ARHGEF10L: variants seen among roughly 807,000 people sequenced by gnomAD.
ARHGEF10L encodes the protein rho guanine nucleotide exchange factor 10-like protein.
A neutral mutation model predicts 141.2 loss-of-function variants in ARHGEF10L; 69 were observed. That is an observed-to-expected ratio of 0.49 (90% CI 0.40 to 0.60). The LOEUF (loss-of-function observed/expected upper bound fraction) is 0.60, where lower values mean the gene tolerates loss of function less well. ARHGEF10L is among the 20% of genes least tolerant of loss of function. ARHGEF10L has a pLI of 0.00. For synonymous variants in ARHGEF10L, 711 were observed against 718.5 expected, an observed-to-expected ratio of 0.99 and a Z score of 0.17; for missense variants, 1,482 against 1,734.3, an observed-to-expected ratio of 0.85 and a Z score of 2.58.
the ARHGEF10L span, among the ~76,000 whole-genome samples, chr1:17,515,156 G>A: frequency 6.6e-6 from 1 of 152,186 alleles, no homozygotes; most frequent in Non-Finnish European, 1.5e-5. Flanking sequence ...GGGGCAACTT[G>A]TCCTGGGGAA....
chr1:17,600,450 G>A (rs770723516), intron 4 of ARHGEF10L, among the ~76,000 whole-genome samples: 3 of 152,120 alleles, frequency 2.0e-5, no homozygotes, highest in South Asian at 2.1e-4. Context: ...CGTTAGAATA[G>A]CTTTAGATTT....
intron 26 of ARHGEF10L, among the ~76,000 whole-genome samples, chr1:17,678,573 C>T (rs1004755795): frequency 6.6e-6 from 1 of 152,122 alleles, no homozygotes; most frequent in African/African-American, 2.4e-5. Context: ...GCATGCGCCA[C>T]CACCCCTGGC....
intron 8 of ARHGEF10L, among the ~76,000 whole-genome samples, chr1:17,614,666 G>T (rs2059713789): frequency 6.6e-6 from 1 of 152,034 alleles, no homozygotes; most frequent in Non-Finnish European, 1.5e-5. Flanking sequence ...ATTCTCAAAG[G>T]CCTCTATGAT....
intron 26 of ARHGEF10L, among the ~76,000 whole-genome samples, chr1:17,666,350 T>G (rs1571385529): frequency 6.6e-6 from 1 of 151,638 alleles, no homozygotes; most frequent in Non-Finnish European, 1.5e-5. Context: ...GAAGGGGAGG[T>G]GGAGTTACCC....
At chr1:17,617,135 G>A (rs1028827615) in intron 9 of ARHGEF10L, among the ~76,000 whole-genome samples, 3 of 152,216 alleles carry the variant, frequency 2.0e-5, no homozygotes, top group African/African-American at 7.2e-5. Context: ...GCCAGGGTCC[G>A]GTCAGTACAG....
intron 21 of ARHGEF10L, among the ~76,000 whole-genome samples, chr1:17,646,774 C>T (rs1033096133): frequency 7.9e-5 from 12 of 152,028 alleles, no homozygotes; most frequent in Admixed American, 2.6e-4. Flanking sequence ...GGCAGCGTTC[C>T]GGACAGCGGG....
In ARHGEF10L at chr1:17,580,522, G is replaced by T; in HGVS notation, c.-43-31G>T. On this transcript the variant is annotated intron_variant, in intron 1 of 28. Coordinates refer to ENST00000361221, the MANE Select transcript of ARHGEF10L (RefSeq NM_018125.4). ...AGCTGAAACTGCAGCCCTGACTCCA[G>T]CTAATGCGATTTCTGGTCTTCTTTC... The T allele has an allele frequency of 8.8e-6, 14 of 1,598,728 alleles. No individual in the cohort carries two copies. In the South Asian group the frequency reaches 1.4e-4, roughly 16 times the overall value.
intron 1 of ARHGEF10L, among the ~76,000 whole-genome samples, chr1:17,560,443 C>A (rs1048386838): frequency 6.6e-6 from 1 of 152,152 alleles, no homozygotes; most frequent in Non-Finnish European, 1.5e-5. Context: ...GCCTCAAATG[C>A]CCCTTTTGTG....
chr1:17,543,504 A>T (rs931292999), intron 1 of ARHGEF10L, among the ~76,000 whole-genome samples: 2 of 151,584 alleles, frequency 1.3e-5, no homozygotes, highest in Admixed American at 6.6e-5. Flanking sequence ...AATTGCTGGA[A>T]CCCAGGAGGC....
In ARHGEF10L at chr1:17,539,767, G is replaced by T. The variant is rs1437539190; in HGVS notation, c.-227G>T. 6.8e-6 allele frequency: 1 copy of T among 146,526 alleles called. No individual in the cohort carries two copies. Among genetic ancestry groups the T allele is most frequent in the African/African-American group, 2.5e-5 (1 of 40,744 alleles). The allele number at this position is 146,526 out of a possible 1,614,324, so 9.1% of individuals were successfully genotyped here. A position where few individuals can be genotyped will look rare whatever the true frequency, so the allele number is the denominator to read the frequency against. ...GCGGGCGCGGGCGCAGTCCCGGCGG[G>T]CCCGGACCTCGCGGGCGGGCGGGCG... On this transcript the variant is annotated 5_prime_UTR_variant, in exon 1 of 29. Transcript: ENST00000361221. This position sits in a 1 kb window ranked among gnomAD's most constrained non-coding sequence, Gnocchi z 6.0.
In ARHGEF10L at chr1:17,644,233, C is replaced by T. The variant is rs887796352; in HGVS notation, c.2272+3931C>T. 6.6e-5 allele frequency among the ~76,000 whole-genome samples: 10 copies of T among 152,316 alleles called. No individual in the cohort carries two copies. The highest frequency in any genetic ancestry group is 3.4e-3 in the Middle Eastern group (1 of 294). ...CTGCCTCTCATTTGGTTTAGTTTTC[C>T]GGCCCATAGTCGTCACACTGACGCC... On this transcript the variant is annotated intron_variant, in intron 21 of 28. Coordinates refer to ENST00000361221, the MANE Select transcript of ARHGEF10L (RefSeq NM_018125.4). This position sits in a 1 kb window ranked among gnomAD's most constrained non-coding sequence, Gnocchi z 4.5.
At chr1:17,624,291 C>G in intron 12 of ARHGEF10L, 96 bp from the exon 13 acceptor site, 1 of 937,732 alleles carries the variant, frequency 1.1e-6, no homozygotes. Context: ...CTTCTGCTCC[C>G]TGCCTTGAGG....
Position 17,619,321 on chromosome 1 carries a change from G to A in ARHGEF10L, c.836-18G>A, listed in dbSNP as rs1231121312. 6.2e-7 allele frequency: 1 copy of A among 1,610,516 alleles called. No homozygotes were observed. The highest frequency in any genetic ancestry group is 8.5e-7 in the Non-Finnish European group (1 of 1,177,898). ...TGTCCCTGCCTTAGCTGTGTCATCG[G>A]CCCATCTGACTTTCCAGGTGACTCG... is the stretch of plus-strand genomic sequence containing the variant. On this transcript the variant is annotated intron_variant, in intron 9 of 28. Coordinates refer to ENST00000361221, the MANE Select transcript of ARHGEF10L (RefSeq NM_018125.4). The surrounding 1 kb of genome is among the most constrained non-coding windows in gnomAD (Gnocchi z 5.0).
intron 1 of ARHGEF10L, among the ~76,000 whole-genome samples, chr1:17,560,634 C>T (rs1416842473): frequency 2.2e-4 from 33 of 152,210 alleles, no homozygotes; most frequent in Admixed American, 1.8e-3. Flanking sequence ...GGCGCAATCT[C>T]GGCTCACCAC....
chr1:17,537,311 T>C (rs2076588947), upstream of ARHGEF10L, among the ~76,000 whole-genome samples: 1 of 152,108 alleles, frequency 6.6e-6, no homozygotes, highest in African/African-American at 2.4e-5. Flanking sequence ...TATGAGCAGG[T>C]GGTTTGGAAC....
intron 26 of ARHGEF10L, among the ~76,000 whole-genome samples, chr1:17,685,446 C>T (rs902481132): frequency 6.6e-6 from 1 of 152,230 alleles, no homozygotes; most frequent in African/African-American, 2.4e-5. Context: ...CTTCCCCCTC[C>T]TCCCAATCAT....
In ARHGEF10L at chr1:17,623,231, G is replaced by A; in HGVS notation, c.1200+56G>A. The A allele has an allele frequency of 6.3e-7, 1 of 1,578,578 alleles. No homozygotes were observed. Among genetic ancestry groups the A allele is most frequent in the Admixed American group, 1.8e-5 (1 of 57,008 alleles). ...ACCAAGGTAAAACCACAACCAGTCTGACCCCGGGGCCATGCAGTCCAGCCT... is the reference window on the plus strand; with the variant it reads ...ACCAAGGTAAAACCACAACCAGTCTAACCCCGGGGCCATGCAGTCCAGCCT... On this transcript the variant is annotated intron_variant, in intron 12 of 28. Transcript: ENST00000361221. This position sits in a 1 kb window ranked among gnomAD's most constrained non-coding sequence, Gnocchi z 4.7.
the ARHGEF10L span, among the ~76,000 whole-genome samples, chr1:17,532,152 C>T: frequency 1.3e-5 from 2 of 152,184 alleles, no homozygotes; most frequent in Non-Finnish European, 2.9e-5. Context: ...CCTGGGCTCT[C>T]TCCCTGCTCC....
chr1:17,638,257 C>T (rs2061130728), intron 19 of ARHGEF10L, among the ~76,000 whole-genome samples: 1 of 152,224 alleles, frequency 6.6e-6, no homozygotes, highest in Non-Finnish European at 1.5e-5. Flanking sequence ...TTTGTTTGTT[C>T]TCTGCACAGT....
Sources: gnomAD v4.1 joint callset for allele counts (sites outside exome capture counted in the v4.1 genomes callset) on GRCh38, gnomAD v4.1.1 for gene constraint, Gnocchi (gnomAD v3.1) non-coding constraint, MANE v1.5 for transcripts, NCBI Gene and HGNC (gene_info 2026-07-23, HGNC 2026-07-21) for gene names.